The following SORBS3 variants were observed in gnomAD, a reference collection of about 807,000 sequenced individuals.
SORBS3 encodes sorbin and SH3 domain containing 3, also known as vinexin.
SORBS3 carries 69 observed loss-of-function variants against 98.0 expected under a neutral mutation model. The observed-to-expected ratio is 0.70, with a 90% confidence interval of 0.58 to 0.86. The LOEUF (loss-of-function observed/expected upper bound fraction) is 0.86. Ranked by LOEUF, SORBS3 falls within the 40% of genes least tolerant of loss-of-function variation. SORBS3 has a pLI of 0.00. For missense variants in SORBS3, 954 were observed against 908.5 expected (o/e 1.05, Z -0.64); for synonymous variants, 394 against 355.4 (o/e 1.11, Z -1.22).
At chr8:22,551,862 C>A, upstream of SORBS3, 1 of 984,732 alleles carries the variant, frequency 1.0e-6, no homozygotes, top group Non-Finnish European at 1.2e-6. This position sits in a 1 kb window ranked among gnomAD's most constrained non-coding sequence, Gnocchi z 5.8. Flanking sequence ...GCGCCGGCGC[C>A]CGGCCCGGCC....
In SORBS3 at chr8:22,566,677, C is replaced by T. The variant is rs781383267; in HGVS notation, c.1107C>T (p.Asn369=). The T allele has an allele frequency of 1.6e-5, 25 of 1,608,788 alleles. No individual in the cohort carries two copies. Among genetic ancestry groups the T allele is most frequent in the Non-Finnish European group, 2.0e-5 (24 of 1,178,460 alleles). The change falls in exon 14 of 21, where the codon AAC becomes AAT. Residue 369 remains asparagine, a synonymous_variant. Coordinates refer to ENST00000240123, the MANE Select transcript of SORBS3 (RefSeq NM_005775.5). The part of the protein sequence containing the change: ...PSSTRDPSAS[N]GGGSPARREE... ...TCTCCACAGACCCTAGTGCCTCTAACGGAGGGGGCAGCCCAGCCAGGAGGG... is the reference window on the plus strand; with the variant it reads ...TCTCCACAGACCCTAGTGCCTCTAATGGAGGGGGCAGCCCAGCCAGGAGGG...
In SORBS3 at chr8:22,571,758, G is replaced by A. The variant is rs1840592017; in HGVS notation, c.1784G>A (p.Gly595Asp). 1 of 1,613,764 alleles carries A rather than the reference G, an allele frequency of 6.2e-7. No individual in the cohort carries two copies. Among genetic ancestry groups the A allele is most frequent in the Admixed American group, 1.7e-5 (1 of 60,002 alleles). ...TPGPALSHSR[G>D]PSHPLDLGTS... is the part of the protein sequence containing the mutation. ...GGTCCAGCTCTGTCCCACTCTCGAGGTCCCAGCCATCCCCTGGACCTGGGG... is the reference window on the plus strand; with the variant it reads ...GGTCCAGCTCTGTCCCACTCTCGAGATCCCAGCCATCCCCTGGACCTGGGG... Residue 595 changes from glycine to aspartate, a missense_variant, in exon 19 of 21, where the codon GGT becomes GAT. Physicochemically the swap from Gly to Asp is moderately conservative, Grantham distance 94 (BLOSUM62 -1). Transcript: ENST00000240123.
In SORBS3 at chr8:22,565,318, C is replaced by T; in HGVS notation, c.867C>T (p.Asp289=). ...LAELSAELDK[D]LRAIETRLPS... ...AGCTGAGCGCCGAGCTGGACAAGGA[C>T]CTGCGGGCAATTGAGACCCGACTGC... Residue 289 remains aspartate (D), a synonymous_variant, in exon 11 of 21, where the codon GAC becomes GAT. Transcript: ENST00000240123. The T allele has an allele frequency of 6.4e-7, 1 of 1,560,040 alleles. No homozygotes were observed. The highest frequency in any genetic ancestry group is 1.2e-5 in the South Asian group (1 of 84,702).
At chr8:22,549,153 A>T (rs868859726), upstream of SORBS3, among the ~76,000 whole-genome samples, 7 of 152,240 alleles carry the variant, frequency 4.6e-5, no homozygotes, top group African/African-American at 1.7e-4. Flanking sequence ...GGCTCTGAGA[A>T]GGCAGAGGCA....
chr8:22,561,956 G>A (rs1481349240), intron 7 of SORBS3, 25 bp downstream of exon 7: 2 of 1,610,956 alleles, frequency 1.2e-6, no homozygotes, highest in Non-Finnish European at 8.5e-7. Context: ...GCGGGGCCGA[G>A]GGCTGCGGAG....
chr8:22,551,816 G>C (rs1226975679), upstream of SORBS3: 17 of 985,592 alleles, frequency 1.7e-5, no homozygotes, highest in Non-Finnish European at 2.0e-5. The surrounding 1 kb of genome is among the most constrained non-coding windows in gnomAD (Gnocchi z 5.8). Flanking sequence ...TCACGGTCCG[G>C]CCTCCGGCGC....
At position 22,571,029 on chromosome 8, in the gene SORBS3, G is replaced by T; in HGVS notation, c.1551G>T (p.Arg517=). 1.2e-6 allele frequency: 2 copies of T among 1,613,554 alleles called. No individual in the cohort carries two copies. The highest frequency in any genetic ancestry group is 2.7e-5 in the African/African-American group (2 of 74,990). The change falls in exon 18 of 21, where the codon CGG becomes CGT. Residue 517 remains arginine (R), a synonymous_variant. Transcript: ENST00000240123. ...ASYVQVSREP[R]LRLCDDGPQL... ...ACGTGCAGGTGTCTCGTGAACCCCG[G>T]CTCCGGCTCTGTGACGACGGCCCCC... is the stretch of plus-strand genomic sequence containing the variant.
intron 3 of SORBS3, among the ~76,000 whole-genome samples, chr8:22,556,104 C>T (rs1344752745): frequency 3.3e-5 from 5 of 152,178 alleles, no homozygotes; most frequent in Admixed American, 1.3e-4. Context: ...ATTCTGCTGC[C>T]CTAGCTACTT....
In SORBS3 at chr8:22,565,344, C is replaced by T. The variant is rs1840384827; in HGVS notation, c.893C>T (p.Pro298Leu). Residue 298 changes from proline (P) to leucine (L), a missense_variant, in exon 11 of 21, where the codon CCG (proline) becomes CTG (leucine). Pro to Leu is a moderately conservative substitution (Grantham distance 98). Coordinates refer to ENST00000240123, the MANE Select transcript of SORBS3 (RefSeq NM_005775.5). ...CTGCGGGCAATTGAGACCCGACTGC[C>T]GTCCCCCAAGGTACCAGCCCCCAGG... ...KDLRAIETRL[P>L]SPKSSPAPRR... 3 of 1,553,516 alleles carry T rather than the reference C, an allele frequency of 1.9e-6. No homozygotes were observed. The highest frequency in any genetic ancestry group is 2.6e-6 in the Non-Finnish European group (3 of 1,149,084).
intron 4 of SORBS3, 150 bp from the exon 5 acceptor site, chr8:22,557,979 T>A: frequency 1.4e-6 from 1 of 738,494 alleles, no homozygotes; most frequent in Non-Finnish European, 2.5e-6. Flanking sequence ...CTATTGTTAT[T>A]AAAGAGATCG....
At position 22,561,627 on chromosome 8, in the gene SORBS3, C is replaced by A. The variant is rs1450567635; in HGVS notation, c.518-238C>A. ...TTTCTCTGGGCCTCCCTTTCCTCAT[C>A]TATAAGATGAGATCATCACCTACTC... On this transcript the variant is annotated intron_variant, in intron 6 of 20. Transcript: ENST00000240123. 3 of 611,792 alleles carry A rather than the reference C, an allele frequency of 4.9e-6. No individual in the cohort carries two copies. In the South Asian group the frequency reaches 5.8e-5, roughly 12 times the overall value. The allele number at this position is 611,792 out of a possible 1,614,324, so 37.9% of individuals were successfully genotyped here.
At position 22,571,829 on chromosome 8, in the gene SORBS3, C is replaced by T; in HGVS notation, c.1847+8C>T. ...TCAGATACACTGGACCCCGTGAGTA[C>T]CATCTGAGGGCTCTTGATCAGACGT... On this transcript the variant is annotated splice_region_variant and intron_variant, in intron 19 of 20. Coordinates refer to ENST00000240123, the MANE Select transcript of SORBS3 (RefSeq NM_005775.5). 3 of 1,582,530 alleles carry T rather than the reference C, an allele frequency of 1.9e-6. No individual in the cohort carries two copies. The highest frequency in any genetic ancestry group is 2.6e-6 in the Non-Finnish European group (3 of 1,151,560).
At position 22,571,039 on chromosome 8, in the gene SORBS3, T is replaced by C. The variant is rs1840564836; in HGVS notation, c.1561T>C (p.Cys521Arg). ...QVSREPRLRL[C>R]DDGPQLPTSP... ...GTCTCGTGAACCCCGGCTCCGGCTC[T>C]GTGACGACGGCCCCCAGCTCCCCAC... The change falls in exon 18 of 21, where the codon TGT becomes CGT. Residue 521 changes from cysteine (C) to arginine (R), a missense_variant. By Grantham distance (180) the Cys-to-Arg change is radical (BLOSUM62 -3). Coordinates refer to ENST00000240123, the MANE Select transcript of SORBS3 (RefSeq NM_005775.5). 4 of 1,613,348 alleles carry C rather than the reference T, an allele frequency of 2.5e-6. No homozygotes were observed. Among genetic ancestry groups the C allele is most frequent in the African/African-American group, 1.3e-5 (1 of 74,864 alleles).
Position 22,564,278 on chromosome 8 carries a change from C to A in SORBS3, c.676-5C>A. ...ACAAGCTGACACCCACCCACCTCCA[C>A]GCAGGTGCTCAGACGCCGGGAAAAA... On this transcript the variant is annotated splice_region_variant and splice_polypyrimidine_tract_variant and intron_variant, in intron 8 of 20. Transcript: ENST00000240123. 1 of 1,583,644 alleles carries A rather than the reference C, an allele frequency of 6.3e-7. No individual in the cohort carries two copies. The highest frequency in any genetic ancestry group is 1.7e-4 in the Middle Eastern group (1 of 6,034).
rs955739331 is a variant in SORBS3 at position 22,565,806 on chromosome 8, T to C, written c.904-20T>C. The C allele has an allele frequency of 1.5e-6, 2 of 1,316,632 alleles. No individual in the cohort carries two copies. Among genetic ancestry groups the C allele is most frequent in the Non-Finnish European group, 1.9e-6 (2 of 1,030,884 alleles). The allele number at this position is 1,316,632 out of a possible 1,614,324, so 81.6% of individuals were successfully genotyped here. A position where few individuals can be genotyped will look rare whatever the true frequency, so the allele number is the denominator to read the frequency against. ...GGGTCCCGGGGTCGCGGGCCCTGAT[T>C]GCGCCGTTTCCCCGCGCAGAGCTCG... On this transcript the variant is annotated intron_variant, in intron 11 of 20. Coordinates refer to ENST00000240123, the MANE Select transcript of SORBS3 (RefSeq NM_005775.5).
intron 17 of SORBS3, among the ~76,000 whole-genome samples, chr8:22,570,620 T>C (rs117092311): frequency 4.6e-5 from 7 of 152,190 alleles, no homozygotes; most frequent in Admixed American, 3.9e-4. Context: ...CGGGCTCACC[T>C]GTGATCGGAG....
In SORBS3 at chr8:22,561,895, C is replaced by G; in HGVS notation, c.548C>G (p.Pro183Arg). 1 of 1,614,228 alleles carries G rather than the reference C, an allele frequency of 6.2e-7. No homozygotes were observed. Residue 183 changes from proline to arginine, a missense_variant, in exon 7 of 21, where the codon CCT (proline) becomes CGT (arginine). Coordinates refer to ENST00000240123, the MANE Select transcript of SORBS3 (RefSeq NM_005775.5). Reference sequence around the variant, plus strand: ...AGGCATCTAGGAGCCCAGCAAAGACCTGCCCACAGGCCCGGCCCGGCAACA... The same window carrying G: ...AGGCATCTAGGAGCCCAGCAAAGACGTGCCCACAGGCCCGGCCCGGCAACA... ...DPRHLGAQQRPAHRPGPATSS... is the reference protein window; with the variant it reads ...DPRHLGAQQRRAHRPGPATSS...
intron 16 of SORBS3, 41 bp from the exon 17 acceptor site, chr8:22,569,107 A>T (rs1284661151): frequency 6.3e-7 from 1 of 1,583,936 alleles, no homozygotes; most frequent in South Asian, 1.1e-5. Flanking sequence ...TGCTATGTTG[A>T]TGCCCAGGCC....
At chr8:22,560,717 A>G (rs1840273857) in intron 5 of SORBS3, among the ~76,000 whole-genome samples, 1 of 152,108 alleles carries the variant, frequency 6.6e-6, no homozygotes, top group South Asian at 2.1e-4. Context: ...CTTTATGGTC[A>G]CTGGTTACAG....
Sources: allele counts gnomAD v4.1 joint callset (sites outside exome capture counted in the v4.1 genomes callset), GRCh38; gene constraint gnomAD v4.1.1; non-coding constraint Gnocchi (gnomAD v3.1); transcripts MANE v1.5; gene names NCBI Gene and HGNC (gene_info 2026-07-23, HGNC 2026-07-21).